Variants in RASA3 observed in about 807,000 individuals in gnomAD.
The protein encoded by RASA3 is ras GTPase-activating protein 3.
In RASA3, 73 loss-of-function variants were observed where a neutral mutation model predicts 110.0. That is an observed-to-expected ratio of 0.66 (90% CI 0.55 to 0.81). RASA3 has a LOEUF of 0.81. RASA3 is among the 30% of genes least tolerant of loss of function. The pLI is 0.00. For missense variants in RASA3, 976 were observed against 1,113.2 expected, an observed-to-expected ratio of 0.88 and a Z score of 1.75; for synonymous variants, 500 against 451.4, an observed-to-expected ratio of 1.11 and a Z score of -1.37.
intron 1 of RASA3, 95 bp downstream of exon 1, chr13:114,132,340 G>A: frequency 4.7e-6 from 6 of 1,277,058 alleles, no homozygotes; most frequent in Non-Finnish European, 6.1e-6. Flanking sequence ...GTCTCCGCCG[G>A]GGTCCCCAGC....
chr13:114,125,066 C>G (rs1310272313), intron 1 of RASA3, among the ~76,000 whole-genome samples: 1 of 152,140 alleles, frequency 6.6e-6, no homozygotes, highest in Non-Finnish European at 1.5e-5. Flanking sequence ...CTGTGTTTAT[C>G]ATTCTTCTAG....
intron 18 of RASA3, among the ~76,000 whole-genome samples, chr13:114,002,308 G>A (rs1299119985): frequency 6.6e-6 from 1 of 152,058 alleles, no homozygotes; most frequent in Admixed American, 6.5e-5. Context: ...TGTGGAAGCT[G>A]CTGGGAGCTG....
At chr13:113,991,326 A>G (rs533913176) in intron 22 of RASA3, among the ~76,000 whole-genome samples, 60 of 152,184 alleles carry the variant, frequency 3.9e-4, no homozygotes, top group Non-Finnish European at 2.1e-4. Flanking sequence ...GGCAGGACTC[A>G]TGTGTTTCCA....
intron 4 of RASA3, 64 bp from the exon 5 acceptor site, chr13:114,029,951 C>A: frequency 6.9e-7 from 1 of 1,457,320 alleles, no homozygotes; most frequent in Admixed American, 2.0e-5. Flanking sequence ...ACTAGGGCCG[C>A]GCGCCCAGGG....
intron 2 of RASA3, among the ~76,000 whole-genome samples, chr13:114,066,084 C>T (rs1395677481): frequency 1.3e-5 from 2 of 152,024 alleles, no homozygotes; most frequent in Non-Finnish European, 2.9e-5. Context: ...ACGCCACACA[C>T]CACTGCACGC....
intron 2 of RASA3, among the ~76,000 whole-genome samples, chr13:114,072,034 T>C (rs1000922873): frequency 1.1e-4 from 16 of 152,122 alleles, no homozygotes; most frequent in Admixed American, 9.8e-4. Context: ...CCGCTCCTTA[T>C]AACCCGGTGG....
In RASA3 at chr13:114,070,751, G is replaced by A. The variant is rs549070836; in HGVS notation, c.173+2969C>T. Among the ~76,000 whole-genome samples, 410 of 133,762 alleles carry A rather than the reference G, an allele frequency of 3.1e-3. 13 individuals are homozygous for A. The highest frequency in any genetic ancestry group is 0.012 in the African/African-American group (392 of 33,900). The allele number at this position is 133,762 out of a possible 152,430, so 87.8% of individuals were successfully genotyped here. A position where few individuals can be genotyped will look rare whatever the true frequency, so the allele number is the denominator to read the frequency against. The stretch of plus-strand genomic sequence containing the variant: ...AGGGCTGCCGGCGTCCACGCTAAAC[G>A]GCTCCACAGTCTTACACGTGGGCAG... On this transcript the variant is annotated intron_variant, in intron 2 of 23. Coordinates refer to ENST00000334062, the MANE Select transcript of RASA3 (RefSeq NM_007368.4).
At chr13:114,105,728 GCCC>G (rs1268077460) in intron 1 of RASA3, among the ~76,000 whole-genome samples, 12 of 152,248 alleles carry the variant, frequency 7.9e-5, no homozygotes, top group Non-Finnish European at 1.5e-4. Context: ...GCTCTGAGCA[GCCC>G]GTCCGTTGTC....
chr13:114,008,344 C>T (rs112099018), intron 17 of RASA3, among the ~76,000 whole-genome samples: 25 of 36,734 alleles, frequency 6.8e-4, no homozygotes, highest in Admixed American at 8.3e-4. Flanking sequence ...CGTTCCTGAC[C>T]GTGGGGAGGA....
At chr13:114,069,639 A>G (rs1238334107) in intron 2 of RASA3, among the ~76,000 whole-genome samples, 7 of 6,530 alleles carry the variant, frequency 1.1e-3, no homozygotes, top group Admixed American at 2.2e-3. Flanking sequence ...AGACTCGGGG[A>G]GCCGGGAGAC....
rs764547184 is a variant in RASA3, at chr13:114,028,045, C to T, written c.450-118G>A. ...AAGCTGTGAGATGAGGTTTCCTCAC[C>T]GGAAGGCAGGGAGGGCCACACCAGC... On this transcript the variant is annotated intron_variant, in intron 5 of 23. Transcript: ENST00000334062. 29 of 817,110 alleles carry T rather than the reference C, an allele frequency of 3.5e-5. 1 individual carries two copies. Among genetic ancestry groups the T allele is most frequent in the African/African-American group, 1.0e-4 (6 of 58,178 alleles). The allele number at this position is 817,110 out of a possible 1,614,324, so 50.6% of individuals were successfully genotyped here. A position where few individuals can be genotyped will look rare whatever the true frequency, so the allele number is the denominator to read the frequency against.
chr13:114,002,850 C>T (rs2053436152), intron 18 of RASA3, among the ~76,000 whole-genome samples: 1 of 152,188 alleles, frequency 6.6e-6, no homozygotes, highest in South Asian at 2.1e-4. Context: ...CCGGAAGCCT[C>T]AGGCTGAAAG....
intron 4 of RASA3, among the ~76,000 whole-genome samples, chr13:114,039,010 G>A (rs909332975): frequency 1.3e-5 from 2 of 152,234 alleles, no homozygotes; most frequent in Non-Finnish European, 2.9e-5. Flanking sequence ...GTGCCTTCGA[G>A]TGGCACACAC....
At chr13:114,117,317 CGT>C (rs2080298642) in intron 1 of RASA3, among the ~76,000 whole-genome samples, 1 of 97,442 alleles carries the variant, frequency 1.0e-5, no homozygotes, top group African/African-American at 3.9e-5. Flanking sequence ...GAGGGGTGCA[CGT>C]GTGTGACAGA....
At chr13:114,009,324 T>C in intron 17 of RASA3, 63 bp downstream of exon 17, 1 of 1,349,684 alleles carries the variant, frequency 7.4e-7, no homozygotes, top group Non-Finnish European at 1.0e-6. Context: ...ATCTCAATTT[T>C]AAAAGAGAAC....
intron 3 of RASA3, among the ~76,000 whole-genome samples, chr13:114,046,068 G>A (rs2079047708): frequency 6.6e-6 from 1 of 152,182 alleles, no homozygotes; most frequent in Non-Finnish European, 1.5e-5. Context: ...TGGAAATTGA[G>A]AAGCTCATTC....
chr13:114,130,484 T>G (rs9562072), intron 1 of RASA3, among the ~76,000 whole-genome samples: 120,817 of 152,168 alleles, frequency 0.79, 48,297 homozygotes, highest in Admixed American at 0.87. Flanking sequence ...CTGACCAAGT[T>G]GTGGCATCTC....
At chr13:113,994,927 T>C (rs1391786240) in intron 21 of RASA3, among the ~76,000 whole-genome samples, 1 of 152,082 alleles carries the variant, frequency 6.6e-6, no homozygotes, top group African/African-American at 2.4e-5. Flanking sequence ...TGAGCTGAGA[T>C]TGCACCACTG....
intron 7 of RASA3, among the ~76,000 whole-genome samples, chr13:114,025,227 C>G (rs2054005608): frequency 6.6e-6 from 1 of 152,272 alleles, no homozygotes. Flanking sequence ...CTAAAACTGC[C>G]TAACCTCTGA....
Sources: gnomAD v4.1 joint callset for allele counts (sites outside exome capture counted in the v4.1 genomes callset) on GRCh38, gnomAD v4.1.1 for gene constraint, MANE v1.5 for transcripts, NCBI Gene and HGNC (gene_info 2026-07-23, HGNC 2026-07-21) for gene names.